Variants in MAN1C1 observed in about 807,000 individuals in gnomAD.
The protein encoded by MAN1C1 is mannosidase alpha class 1C member 1, also known as mannosyl-oligosaccharide 1,2-alpha-mannosidase IC.
A neutral mutation model predicts 71.5 loss-of-function variants in MAN1C1; 49 were observed. That is an observed-to-expected ratio of 0.69 (90% CI 0.54 to 0.87). MAN1C1 has a LOEUF of 0.87. MAN1C1 is among the 40% of genes least tolerant of loss of function. MAN1C1 has a pLI of 0.00. For missense variants in MAN1C1, 743 were observed against 835.0 expected (o/e 0.89, Z 1.36); for synonymous variants, 352 against 343.7 (o/e 1.02, Z -0.27).
In MAN1C1 at chr1:25,634,430, A is replaced by G. The variant is rs1335528930; in HGVS notation, c.540+16093A>G. 2.6e-5 allele frequency among the ~76,000 whole-genome samples: 4 copies of G among 152,142 alleles called. No homozygotes were observed. Among genetic ancestry groups the G allele is most frequent in the African/African-American group, 9.7e-5 (4 of 41,434 alleles). On this transcript the variant is annotated intron_variant, in intron 1 of 11. Transcript: ENST00000374332. This position sits in a 1 kb window ranked among gnomAD's most constrained non-coding sequence, Gnocchi z 4.6. Reference sequence around the variant, plus strand: ...CTAGTTTGCTGAGGTTTTTATCTGTATTGGGATTAAATTTTGTCACATGCT... The same window carrying G: ...CTAGTTTGCTGAGGTTTTTATCTGTGTTGGGATTAAATTTTGTCACATGCT...
intron 1 of MAN1C1, among the ~76,000 whole-genome samples, chr1:25,628,456 T>C (rs186575623): frequency 1.5e-3 from 223 of 152,176 alleles, no homozygotes; most frequent in African/African-American, 5.1e-3. Context: ...TACAGGTGCA[T>C]GTCACCATGC....
intron 2 of MAN1C1, among the ~76,000 whole-genome samples, chr1:25,691,315 AAAC>A (rs1163897960): frequency 6.6e-6 from 1 of 152,166 alleles, no homozygotes; most frequent in African/African-American, 2.4e-5. Flanking sequence ...TCTGTCTCAA[AAAC>A]AACAACAACA....
At chr1:25,630,987 CAG>C (rs1429302182) in intron 1 of MAN1C1, among the ~76,000 whole-genome samples, 4 of 152,030 alleles carry the variant, frequency 2.6e-5, no homozygotes, top group African/African-American at 9.7e-5. Context: ...GTTTTTGAGA[CAG>C]AGTCTCGCTC....
chr1:25,712,020 C>A (rs1160695217), intron 2 of MAN1C1, among the ~76,000 whole-genome samples: 1 of 152,170 alleles, frequency 6.6e-6, no homozygotes, highest in African/African-American at 2.4e-5. Context: ...GCGACAAGAC[C>A]AGCTAAGCTG....
In MAN1C1 at chr1:25,778,158, C is replaced by G; in HGVS notation, c.1311C>G (p.Ala437=). ...NVSPGGLTYI[A]EWRGGILDHK... The stretch of plus-strand genomic sequence containing the variant: ...CTCCCGGGGGGCTGACCTACATTGC[C>G]GAGTGGCGAGGGGGGATTCTGGACC... The change falls in exon 9 of 12, where the codon GCC becomes GCG. Residue 437 remains alanine, a synonymous_variant. Transcript: ENST00000374332. The surrounding 1 kb of genome is among the most constrained non-coding windows in gnomAD (Gnocchi z 5.5). The G allele has an allele frequency of 6.2e-7, 1 of 1,605,376 alleles. No individual in the cohort carries two copies. Among genetic ancestry groups the G allele is most frequent in the South Asian group, 1.1e-5 (1 of 90,354 alleles).
chr1:25,731,846 T>A (rs550564201), intron 2 of MAN1C1, among the ~76,000 whole-genome samples: 211 of 152,294 alleles, frequency 1.4e-3, no homozygotes, highest in African/African-American at 4.7e-3. Context: ...TGTGGTCATG[T>A]GTGCTCTCGG....
intron 1 of MAN1C1, among the ~76,000 whole-genome samples, chr1:25,643,036 A>G (rs921266201): frequency 6.6e-6 from 1 of 152,138 alleles, no homozygotes; most frequent in Non-Finnish European, 1.5e-5. Context: ...TTCCCTTCTC[A>G]TGCGCAGCAG....
At chr1:25,771,626 G>C in intron 7 of MAN1C1, 31 bp from the exon 8 acceptor site, 2 of 1,553,846 alleles carry the variant, frequency 1.3e-6, no homozygotes, top group East Asian at 4.5e-5. Flanking sequence ...GGCAGATGGA[G>C]ATAATGTTCT....
At chr1:25,709,714 A>T (rs2046577077) in intron 2 of MAN1C1, 1 of 151,338 alleles carries the variant, frequency 6.6e-6, no homozygotes, top group African/African-American at 2.4e-5. Context: ...AGCAGAAGGA[A>T]ACTCTATCTA....
chr1:25,630,400 A>G (rs958567321), intron 1 of MAN1C1, among the ~76,000 whole-genome samples: 4 of 152,114 alleles, frequency 2.6e-5, no homozygotes, highest in Non-Finnish European at 5.9e-5. Flanking sequence ...TAAAAATTTC[A>G]TATTAATTTT....
At chr1:25,731,096 C>T (rs913800391) in intron 2 of MAN1C1, among the ~76,000 whole-genome samples, 9 of 152,120 alleles carry the variant, frequency 5.9e-5, no homozygotes, top group African/African-American at 2.2e-4. Flanking sequence ...GTGGACAGAC[C>T]GCCTGAGCCC....
At chr1:25,781,174 G>T (rs763529603) in intron 10 of MAN1C1, 62 bp downstream of exon 10, 1 of 1,575,126 alleles carries the variant, frequency 6.3e-7, no homozygotes, top group Non-Finnish European at 8.7e-7. Context: ...TACAGGCTGG[G>T]TGCTAGGTGC....
intron 2 of MAN1C1, among the ~76,000 whole-genome samples, chr1:25,689,994 G>A (rs2046285773): frequency 6.6e-6 from 1 of 152,182 alleles, no homozygotes. Context: ...AGGGCAGTCG[G>A]ATGCCCAAGC....
At chr1:25,709,156 A>G (rs1217117062) in intron 2 of MAN1C1, among the ~76,000 whole-genome samples, 2 of 152,138 alleles carry the variant, frequency 1.3e-5, no homozygotes, top group African/African-American at 4.8e-5. Flanking sequence ...AGGTTTTCCT[A>G]TTTGAGAAGT....
intron 2 of MAN1C1, among the ~76,000 whole-genome samples, chr1:25,697,233 C>T (rs1007313170): frequency 6.6e-6 from 1 of 152,190 alleles, no homozygotes; most frequent in African/African-American, 2.4e-5. Flanking sequence ...AATCTACTTT[C>T]TGTCTCTGTA....
At chr1:25,646,515 A>T (rs929497089) in intron 1 of MAN1C1, 6 of 152,252 alleles carry the variant, frequency 3.9e-5, no homozygotes, top group Non-Finnish European at 8.8e-5. Context: ...TAATACATTC[A>T]CAGTGTTACG....
intron 2 of MAN1C1, among the ~76,000 whole-genome samples, chr1:25,692,300 TAGG>T (rs1198424339): frequency 6.6e-6 from 1 of 152,208 alleles, no homozygotes; most frequent in African/African-American, 2.4e-5. Context: ...AACTGTCTCT[TAGG>T]AGGTGTATGA....
chr1:25,621,834 G>C (rs1020527881), intron 1 of MAN1C1, among the ~76,000 whole-genome samples: 3 of 151,900 alleles, frequency 2.0e-5, no homozygotes, highest in Non-Finnish European at 4.4e-5. Context: ...TTGCTGTGTT[G>C]GCCAGGCTGG....
chr1:25,671,513 G>A (rs2124133124), intron 1 of MAN1C1, among the ~76,000 whole-genome samples: 1 of 152,326 alleles, frequency 6.6e-6, no homozygotes, highest in South Asian at 2.1e-4. Flanking sequence ...GAGGTGTTAG[G>A]TATTGTCACT....
Sources: gnomAD v4.1 joint callset for allele counts (sites outside exome capture counted in the v4.1 genomes callset) on GRCh38, gnomAD v4.1.1 for gene constraint, Gnocchi (gnomAD v3.1) non-coding constraint, MANE v1.5 for transcripts, NCBI Gene and HGNC (gene_info 2026-07-23, HGNC 2026-07-21) for gene names.